The following H2BK1 variants were observed in gnomAD, a reference collection of about 807,000 sequenced individuals.
H2BK1 encodes the protein H2B.K variant histone 1.
At chr7:151,210,460 C>T in the H2BK1 span, 1 of 394,744 alleles carries the variant, frequency 2.5e-6, no homozygotes, top group African/African-American at 2.1e-5. Context: ...GACTCAATCC[C>T]AATCCTGAAC....
At chr7:151,207,848 CTTTATT>C in the H2BK1 span, 30 of 836,520 alleles carry the variant, frequency 3.6e-5, no homozygotes, top group African/African-American at 3.7e-4. Flanking sequence ...ACAGTTCACC[CTTTATT>C]TTTGTCAGGC....
At chr7:151,210,245 T>C in the H2BK1 span, 1 of 399,320 alleles carries the variant, frequency 2.5e-6, no homozygotes, top group Non-Finnish European at 4.4e-6. Context: ...ACAGCGCTTT[T>C]TGGACTTTTT....
the H2BK1 span, chr7:151,210,291 G>C: frequency 2.5e-6 from 1 of 399,138 alleles, no homozygotes. Context: ...CCCCCGGGCT[G>C]CTGCCGCTGT....
chr7:151,209,529 G>A, the H2BK1 span, among the ~76,000 whole-genome samples: 1 of 152,174 alleles, frequency 6.6e-6, no homozygotes, highest in Non-Finnish European at 1.5e-5. Flanking sequence ...CAAATTGATT[G>A]TCAGTGTTCC....
the H2BK1 span, chr7:151,210,304 A>G: frequency 1.0e-5 from 4 of 398,554 alleles, no homozygotes. Context: ...GCCGCTGTCC[A>G]TACTCAGCGC....
the H2BK1 span, chr7:151,210,420 G>C: frequency 2.2e-5 from 7 of 313,728 alleles, 1 homozygote; most frequent in African/African-American, 6.8e-5. Flanking sequence ...CTGGGAGGGG[G>C]GGGGGGGGCA....
At chr7:151,209,559 T>C in the H2BK1 span, among the ~76,000 whole-genome samples, 1 of 152,158 alleles carries the variant, frequency 6.6e-6, no homozygotes, top group Admixed American at 6.5e-5. Flanking sequence ...GAGTAGCTGC[T>C]TTTCGTGCAT....
the H2BK1 span, chr7:151,210,246 T>C: frequency 2.5e-6 from 1 of 399,208 alleles, no homozygotes; most frequent in South Asian, 1.3e-4. Context: ...CAGCGCTTTT[T>C]GGACTTTTTG....
the H2BK1 span, among the ~76,000 whole-genome samples, chr7:151,208,942 G>A: frequency 6.6e-6 from 1 of 152,158 alleles, no homozygotes; most frequent in Admixed American, 6.5e-5. Flanking sequence ...GATGAAAACA[G>A]CACTAGAACC....
chr7:151,209,321 C>G, the H2BK1 span, among the ~76,000 whole-genome samples: 1 of 149,980 alleles, frequency 6.7e-6, no homozygotes, highest in East Asian at 2.0e-4. Flanking sequence ...CCCACAAGAG[C>G]ATTCCCAGGC....
chr7:151,208,118 G>T, the H2BK1 span: 6 of 1,614,048 alleles, frequency 3.7e-6, no homozygotes, highest in Non-Finnish European at 5.1e-6. Flanking sequence ...CTGGAGAGAG[G>T]GCAGCACCAC....
At chr7:151,208,984 A>G in the H2BK1 span, among the ~76,000 whole-genome samples, 526 of 35,806 alleles carry the variant, frequency 0.015, 2 homozygotes, top group African/African-American at 0.048. Flanking sequence ...CCTCCCTGCC[A>G]CCTCTGGTCT....
At chr7:151,209,512 C>T in the H2BK1 span, among the ~76,000 whole-genome samples, 1 of 152,198 alleles carries the variant, frequency 6.6e-6, no homozygotes, top group East Asian at 1.9e-4. Context: ...GCTTTGGATC[C>T]TCCAGACAAA....
the H2BK1 span, chr7:151,207,901 C>G: frequency 9.2e-7 from 1 of 1,084,624 alleles, no homozygotes; most frequent in Non-Finnish European, 1.4e-6. Flanking sequence ...TGGTGACAGC[C>G]TTGGTGCCCT....
chr7:151,210,312 C>T, the H2BK1 span: 10 of 397,994 alleles, frequency 2.5e-5, no homozygotes, highest in African/African-American at 8.2e-5. Context: ...CCATACTCAG[C>T]GCTCATCCTC....
At chr7:151,209,373 C>T in the H2BK1 span, among the ~76,000 whole-genome samples, 1 of 150,646 alleles carries the variant, frequency 6.6e-6, no homozygotes, top group Non-Finnish European at 1.5e-5. Context: ...GGGATTTGGA[C>T]TGGAGACAGG....
At chr7:151,210,140 G>A in the H2BK1 span, 1 of 398,546 alleles carries the variant, frequency 2.5e-6, no homozygotes, top group Non-Finnish European at 4.4e-6. Flanking sequence ...CCCTTTCAAG[G>A]CGCTTTGTGA....
chr7:151,207,875 T>C, the H2BK1 span: 2 of 980,322 alleles, frequency 2.0e-6, no homozygotes, highest in Admixed American at 1.7e-5. Flanking sequence ...CCTGGGTCAC[T>C]TGGAGCTGGT....
chr7:151,210,434 G>A, the H2BK1 span: 4 of 389,044 alleles, frequency 1.0e-5, no homozygotes, highest in Non-Finnish European at 1.8e-5. Context: ...GGGGGCAGGT[G>A]GGAGGTAAGG....
Sources: allele counts gnomAD v4.1 joint callset (sites outside exome capture counted in the v4.1 genomes callset), GRCh38; gene constraint gnomAD v4.1.1; transcripts MANE v1.5; gene names NCBI Gene and HGNC (gene_info 2026-07-23, HGNC 2026-07-21).